Variants in GABRB2 observed in about 807,000 individuals in gnomAD.
The protein encoded by GABRB2 is gamma-aminobutyric acid type A receptor subunit beta2, also known as gamma-aminobutyric acid receptor subunit beta-2.
In GABRB2, 16 loss-of-function variants were observed where a neutral mutation model predicts 54.7. The ratio of observed to expected loss-of-function variants is 0.29; its 90% CI spans 0.20 to 0.44. The LOEUF is 0.44. GABRB2 is among the 20% of genes least tolerant of loss of function. The pLI, the probability that GABRB2 is intolerant of heterozygous loss-of-function variation, is 1.00. For synonymous variants in GABRB2, 244 were observed against 233.8 expected, an observed-to-expected ratio of 1.04 and a Z score of -0.40; for missense variants, 355 against 644.0, an observed-to-expected ratio of 0.55 and a Z score of 4.86.
At chr5:161,517,392 G>A (rs1759981010) in intron 3 of GABRB2, among the ~76,000 whole-genome samples, 1 of 152,150 alleles carries the variant, frequency 6.6e-6, no homozygotes. Flanking sequence ...TAAAATGTGA[G>A]CTAGATTATA....
At chr5:161,419,621 T>C (rs1756789986) in intron 4 of GABRB2, among the ~76,000 whole-genome samples, 2 of 152,256 alleles carry the variant, frequency 1.3e-5, no homozygotes, top group African/African-American at 2.4e-5. Context: ...TAGAATGCTA[T>C]GCATTAATGA....
chr5:161,331,289 A>G (rs1753829581), intron 7 of GABRB2, among the ~76,000 whole-genome samples, 162 bp from the exon 8 acceptor site: 1 of 152,190 alleles, frequency 6.6e-6, no homozygotes, highest in African/African-American at 2.4e-5. Flanking sequence ...GGGAATGGAT[A>G]TAGGTATAAA....
intron 3 of GABRB2, among the ~76,000 whole-genome samples, chr5:161,482,231 G>A (rs1233221524): frequency 6.6e-6 from 1 of 152,028 alleles, no homozygotes; most frequent in Non-Finnish European, 1.5e-5. Context: ...TGGTTTCAGC[G>A]ATTTAGAAGA....
At chr5:161,491,974 G>T (rs1759101913) in intron 3 of GABRB2, among the ~76,000 whole-genome samples, 1 of 151,568 alleles carries the variant, frequency 6.6e-6, no homozygotes, top group Non-Finnish European at 1.5e-5. Context: ...ATGTGCTATG[G>T]AGGGTGACTC....
chr5:161,372,078 A>G (rs1580926566), intron 5 of GABRB2, among the ~76,000 whole-genome samples: 1 of 152,128 alleles, frequency 6.6e-6, no homozygotes, highest in African/African-American at 2.4e-5. Context: ...CTAGTCGATT[A>G]AATCCTTTTT....
At chr5:161,432,174 A>T (rs947165135) in intron 4 of GABRB2, among the ~76,000 whole-genome samples, 2 of 152,160 alleles carry the variant, frequency 1.3e-5, no homozygotes, top group Admixed American at 6.5e-5. Flanking sequence ...ATCACACCAG[A>T]TTCTCCTTAC....
intron 3 of GABRB2, among the ~76,000 whole-genome samples, chr5:161,489,936 G>C (rs1282054008): frequency 6.6e-6 from 1 of 151,506 alleles, no homozygotes; most frequent in Non-Finnish European, 1.5e-5. Flanking sequence ...CATACCAATG[G>C]GTTTCAAATT....
chr5:161,296,744 T>C (rs988164322), intron 9 of GABRB2, among the ~76,000 whole-genome samples: 3 of 152,232 alleles, frequency 2.0e-5, no homozygotes, highest in African/African-American at 7.2e-5. Context: ...AAAGACGGAA[T>C]TGCTGCTGCA....
At chr5:161,437,506 C>G (rs1215753318) in intron 4 of GABRB2, among the ~76,000 whole-genome samples, 5 of 152,078 alleles carry the variant, frequency 3.3e-5, no homozygotes, top group African/African-American at 1.2e-4. Context: ...TACCCAGGTA[C>G]TACACTGAGG....
chr5:161,451,685 CATGG>C (rs1757792176), intron 4 of GABRB2, among the ~76,000 whole-genome samples: 1 of 152,054 alleles, frequency 6.6e-6, no homozygotes, highest in South Asian at 2.1e-4. Flanking sequence ...TATGTCCTAT[CATGG>C]ATGAAGAATG....
chr5:161,479,585 A>T (rs1170586074), intron 3 of GABRB2, among the ~76,000 whole-genome samples: 11 of 137,656 alleles, frequency 8.0e-5, no homozygotes, highest in Non-Finnish European at 1.2e-4. Context: ...CATTGAAACA[A>T]TTTTTTTTTT....
At chr5:161,471,964 A>G (rs994689391) in intron 3 of GABRB2, among the ~76,000 whole-genome samples, 1 of 151,754 alleles carries the variant, frequency 6.6e-6, no homozygotes, top group African/African-American at 2.4e-5. Context: ...CAATAGCACT[A>G]TAAGTTATAT....
At chr5:161,389,874 C>G (rs1755765573) in intron 5 of GABRB2, among the ~76,000 whole-genome samples, 1 of 151,750 alleles carries the variant, frequency 6.6e-6, no homozygotes, top group African/African-American at 2.4e-5. Context: ...CTTTTGGAGT[C>G]AGAAATTATG....
chr5:161,300,309 C>G (rs1757500588), intron 9 of GABRB2, among the ~76,000 whole-genome samples: 1 of 152,014 alleles, frequency 6.6e-6, no homozygotes. Flanking sequence ...CCTTTTTCTC[C>G]TTTGAAATAT....
At chr5:161,301,631 C>T (rs980704995) in intron 9 of GABRB2, among the ~76,000 whole-genome samples, 7 of 152,220 alleles carry the variant, frequency 4.6e-5, no homozygotes, top group Non-Finnish European at 8.8e-5. Flanking sequence ...GTAAATGAAA[C>T]GAGAGGGAGG....
intron 3 of GABRB2, among the ~76,000 whole-genome samples, chr5:161,469,997 C>T (rs1326710717): frequency 6.6e-6 from 1 of 151,858 alleles, no homozygotes; most frequent in Non-Finnish European, 1.5e-5. Context: ...TTACCTTCAA[C>T]GAATCACTTT....
intron 3 of GABRB2, among the ~76,000 whole-genome samples, chr5:161,533,419 G>A (rs1362638473): frequency 6.6e-6 from 1 of 151,994 alleles, no homozygotes; most frequent in Non-Finnish European, 1.5e-5. Flanking sequence ...ATCCAAAAAT[G>A]TAATTGATTT....
chr5:161,529,062 T>A (rs1760373373), intron 3 of GABRB2, among the ~76,000 whole-genome samples: 1 of 151,962 alleles, frequency 6.6e-6, no homozygotes, highest in South Asian at 2.1e-4. Context: ...AGGATTAGCA[T>A]ATACTTTTTT....
Position 161,393,299 on chromosome 5 carries a change from T to TAAAAAAAAAAAA in GABRB2, c.541+17664_541+17675dup, listed in dbSNP as rs533308700. 2.0e-4 allele frequency among the ~76,000 whole-genome samples: 8 copies of TAAAAAAAAAAAA among 40,324 alleles called. 3 individuals carry two copies. Among genetic ancestry groups the TAAAAAAAAAAAA allele is most frequent in the Non-Finnish European group, 2.3e-4 (5 of 21,638 alleles). The allele number at this position is 40,324 out of a possible 152,430, so 26.5% of individuals were successfully genotyped here. The stretch of plus-strand genomic sequence containing the variant: ...TCCCTTTTATAACTCTTTAAAAATG[T>TAAAAAAAAAAAA]AAAAAAAAAAAAAAAAAAAAAAAAA... On this transcript the variant is annotated intron_variant, in intron 5 of 9. Transcript: ENST00000393959.
Sources: gnomAD v4.1 joint callset for allele counts (sites outside exome capture counted in the v4.1 genomes callset) on GRCh38, gnomAD v4.1.1 for gene constraint, MANE v1.5 for transcripts, NCBI Gene and HGNC (gene_info 2026-07-23, HGNC 2026-07-21) for gene names.